The following NLRP12 variants were observed in gnomAD, a reference collection of about 807,000 sequenced individuals.
NLRP12 encodes the protein NLR family pyrin domain containing 12, also known as NACHT, LRR and PYD domains-containing protein 12.
NLRP12 carries 108 observed loss-of-function variants against 91.2 expected under a neutral mutation model. The ratio of observed to expected loss-of-function variants is 1.18; its 90% CI spans 1.01 to 1.39. The LOEUF (loss-of-function observed/expected upper bound fraction) is 1.39. Among genes scored for constraint, NLRP12 ranks in the 40% most tolerant of loss-of-function variants. The pLI, the probability that NLRP12 is intolerant of heterozygous loss-of-function variation, is 0.00. For synonymous variants in NLRP12, 613 were observed against 566.7 expected (o/e 1.08, Z -1.16); for missense variants, 1,530 against 1,352.7 (o/e 1.13, Z -2.06).
chr19:53,812,031 G>A (rs1019138183), intron 2 of NLRP12, among the ~76,000 whole-genome samples: 32 of 152,026 alleles, frequency 2.1e-4, no homozygotes, highest in African/African-American at 7.7e-4. Context: ...GAACTCAGGA[G>A]TTTGAGACCA....
At chr19:53,811,750 A>G (rs1293354747) in intron 2 of NLRP12, among the ~76,000 whole-genome samples, 1 of 151,508 alleles carries the variant, frequency 6.6e-6, no homozygotes, top group Non-Finnish European at 1.5e-5. Context: ...TATTTTTAGT[A>G]GAGACGGGGT....
intron 1 of NLRP12, among the ~76,000 whole-genome samples, chr19:53,819,142 A>G (rs1368678528): frequency 6.6e-6 from 1 of 152,074 alleles, no homozygotes; most frequent in Non-Finnish European, 1.5e-5. Flanking sequence ...TTTACTTTTG[A>G]TTCTATATTT....
chr19:53,797,700 A>C (rs1216704567), intron 8 of NLRP12, among the ~76,000 whole-genome samples: 1 of 144,340 alleles, frequency 6.9e-6, no homozygotes, highest in Non-Finnish European at 1.5e-5. Flanking sequence ...TGCAGGCATT[A>C]AGCTACCGTG....
chr19:53,806,679 C>CAAAA (rs58275455), intron 4 of NLRP12, among the ~76,000 whole-genome samples: 5 of 43,384 alleles, frequency 1.2e-4, no homozygotes, highest in African/African-American at 2.1e-4. Flanking sequence ...GACTCCGTCT[C>CAAAA]AAAAAAAAAA....
rs192267079 is a variant in NLRP12 at position 53,796,193 on chromosome 19, A to G, written c.2928-164T>C. On this transcript the variant is annotated intron_variant, in intron 8 of 9. Transcript: ENST00000324134. ...GCGATTCTCCTGCCTCAGCCTCCTG[A>G]GTAGCTGGGATTACAGGTGTGCACC... 595 of 691,698 alleles carry G rather than the reference A, an allele frequency of 8.6e-4. 1 individual carries two copies. Among genetic ancestry groups the G allele is most frequent in the Non-Finnish European group, 1.2e-3 (457 of 381,614 alleles). 42.8% of individuals were successfully genotyped at this position (691,698 alleles called of 1,614,324 possible).
chr19:53,804,522 G>A (rs570688534), intron 5 of NLRP12, among the ~76,000 whole-genome samples: 17 of 148,974 alleles, frequency 1.1e-4, no homozygotes, highest in African/African-American at 3.0e-4. Context: ...CCTCAGTCTC[G>A]AGTAGCTGGG....
chr19:53,823,868 G>C lies in NLRP12; in HGVS notation c.289+18C>G, dbSNP rs116129563. ...CCCGGCTGGCATTCTAGCCTTGCCT[G>C]TCCCGCCACCTCCTTACCCCTCACC... On this transcript the variant is annotated intron_variant, in intron 1 of 9. Transcript: ENST00000324134. The C allele has an allele frequency of 6.8e-6, 11 of 1,613,362 alleles. No homozygotes were observed. Among genetic ancestry groups the C allele is most frequent in the Non-Finnish European group, 9.3e-6 (11 of 1,179,950 alleles).
intron 1 of NLRP12, among the ~76,000 whole-genome samples, chr19:53,818,086 ATTTTTTTT>A (rs57766213): frequency 1.4e-5 from 2 of 144,434 alleles, no homozygotes; most frequent in African/African-American, 5.1e-5. Context: ...CTGGTTGGCA[ATTTTTTTT>A]TTTTTTTGAG....
At chr19:53,815,301 TCAC>T (rs2092142130) in intron 1 of NLRP12, among the ~76,000 whole-genome samples, 1 of 144,858 alleles carries the variant, frequency 6.9e-6, no homozygotes, top group South Asian at 2.3e-4. Context: ...TGATCTCGGC[TCAC>T]CACAACCTCC....
chr19:53,818,695 T>C (rs1387574311), intron 1 of NLRP12, among the ~76,000 whole-genome samples: 2 of 151,976 alleles, frequency 1.3e-5, no homozygotes, highest in African/African-American at 4.8e-5. Flanking sequence ...ATAAAAAAGG[T>C]AATTCTTGAA....
rs772137541 is a variant in NLRP12, at chr19:53,815,010, A to G, written c.290-22T>C. ...GTATCTGGAAGAGAAATTGTGGAAG[A>G]TGAGCTAGCACGCATCTGGCTAGTA... On this transcript the variant is annotated intron_variant, in intron 1 of 9. Transcript: ENST00000324134. 3.8e-6 allele frequency: 6 copies of G among 1,581,718 alleles called. No homozygotes were observed. In the East Asian group the frequency reaches 1.3e-4, roughly 35 times the overall value.
intron 2 of NLRP12, among the ~76,000 whole-genome samples, chr19:53,814,161 T>C (rs1224402712): frequency 6.6e-6 from 1 of 152,140 alleles, no homozygotes; most frequent in Admixed American, 6.6e-5. Flanking sequence ...GATTCATGAC[T>C]CGAGTGAGTG....
intron 6 of NLRP12, 156 bp downstream of exon 6, chr19:53,803,796 A>G (rs1244502156): frequency 1.4e-6 from 1 of 719,142 alleles, no homozygotes; most frequent in Admixed American, 2.0e-5. Context: ...CTGGTCTCGA[A>G]CTCCTGACCT....
At chr19:53,806,649 C>G (rs1249703336) in intron 4 of NLRP12, among the ~76,000 whole-genome samples, 1 of 145,236 alleles carries the variant, frequency 6.9e-6, no homozygotes, top group Non-Finnish European at 1.5e-5. Context: ...CTACTGCACT[C>G]CAGCCTGGTG....
Position 53,810,224 on chromosome 19 carries a change from G to A in NLRP12, c.1435C>T (p.Gln479Ter). ...LWNQKILFEE[Q>*]DLRKHGLDGE... ...TCTAGGCCGTGCTTCCGGAGGTCCT[G>A]CTCCTCAAATAGGATTTTCTGATTC... is the stretch of plus-strand genomic sequence containing the variant. The change falls in exon 3 of 10, where the codon CAG becomes TAG. Residue 479 changes from glutamine to a stop codon, truncating the protein, a stop_gained. Coordinates refer to ENST00000324134, the MANE Select transcript of NLRP12 (RefSeq NM_144687.4). LOFTEE classifies it high-confidence loss of function. 1.2e-6 allele frequency: 2 copies of A among 1,614,160 alleles called. No individual in the cohort carries two copies. Among genetic ancestry groups the A allele is most frequent in the South Asian group, 1.1e-5 (1 of 91,084 alleles).
chr19:53,815,774 A>T (rs1283620341), intron 1 of NLRP12, among the ~76,000 whole-genome samples: 1 of 148,190 alleles, frequency 6.7e-6, no homozygotes, highest in East Asian at 2.1e-4. Context: ...ACGCCCGGAT[A>T]ATTTATTTTG....
chr19:53,804,128 G>A lies in NLRP12; in HGVS notation c.2415-6C>T, dbSNP rs376432735. On this transcript the variant is annotated splice_polypyrimidine_tract_variant and splice_region_variant and intron_variant, in intron 5 of 9. Coordinates refer to ENST00000324134, the MANE Select transcript of NLRP12 (RefSeq NM_144687.4). ...CCAGCTGACACTTCCTCAACCTTGGGAGGAAGGAGAGGTTGAAGGGGACGC... is the reference window on the plus strand; with the variant it reads ...CCAGCTGACACTTCCTCAACCTTGGAAGGAAGGAGAGGTTGAAGGGGACGC... The A allele has an allele frequency of 1.3e-5, 21 of 1,613,724 alleles. No homozygotes were observed. In the African/African-American group the frequency reaches 2.7e-4, roughly 21 times the overall value.
intron 9 of NLRP12, among the ~76,000 whole-genome samples, chr19:53,794,829 G>A (rs1208267057): frequency 6.6e-6 from 1 of 151,744 alleles, no homozygotes; most frequent in East Asian, 1.9e-4. Context: ...ACCATGCCTG[G>A]CTAATTTTTG....
At chr19:53,801,111 G>T (rs1407026508) in intron 7 of NLRP12, 116 bp downstream of exon 7, 3 of 807,182 alleles carry the variant, frequency 3.7e-6, no homozygotes, top group East Asian at 2.8e-5. Flanking sequence ...AAAAAAAAAA[G>T]GCTGATGTAG....
Sources: gnomAD v4.1 joint callset for allele counts (sites outside exome capture counted in the v4.1 genomes callset) on GRCh38, gnomAD v4.1.1 for gene constraint, MANE v1.5 for transcripts, NCBI Gene and HGNC (gene_info 2026-07-23, HGNC 2026-07-21) for gene names.